CD163L1: variants seen among roughly 807,000 people sequenced by gnomAD.
CD163L1 encodes scavenger receptor cysteine-rich type 1 protein M160.
In CD163L1, 124 loss-of-function variants were observed where a neutral mutation model predicts 165.4. The observed-to-expected ratio is 0.75, with a 90% CI of 0.65 to 0.87. The LOEUF (loss-of-function observed/expected upper bound fraction) is 0.87, where lower values mean the gene tolerates loss of function less well. CD163L1 is among the 40% of genes least tolerant of loss of function. The pLI, the probability that CD163L1 is intolerant of heterozygous loss-of-function variation, is 0.00. For missense variants in CD163L1, 1,525 were observed against 1,799.9 expected, an observed-to-expected ratio of 0.85 and a Z score of 2.76; for synonymous variants, 585 against 662.2, an observed-to-expected ratio of 0.88 and a Z score of 1.79.
chr12:7,414,056 A>T (rs1403399907), intron 4 of CD163L1, among the ~76,000 whole-genome samples: 1 of 152,188 alleles, frequency 6.6e-6, no homozygotes, highest in Non-Finnish European at 1.5e-5. Context: ...TTCAAAAAAC[A>T]CAATGAATGA....
intron 14 of CD163L1, 46 bp downstream of exon 14, chr12:7,373,274 A>C: frequency 6.7e-7 from 1 of 1,497,618 alleles, no homozygotes; most frequent in South Asian, 1.3e-5. Flanking sequence ...GGTAAGTTAT[A>C]TTTCACAGGG....
chr12:7,416,365 G>A (rs1250663868), intron 4 of CD163L1, among the ~76,000 whole-genome samples: 1 of 152,226 alleles, frequency 6.6e-6, no homozygotes, highest in African/African-American at 2.4e-5. Context: ...CATTTTGTAG[G>A]TTGACTATTC....
the CD163L1 span, among the ~76,000 whole-genome samples, chr12:7,335,871 A>G: frequency 6.6e-6 from 1 of 152,226 alleles, no homozygotes; most frequent in Non-Finnish European, 1.5e-5. Flanking sequence ...ACTTCTCAAA[A>G]GAAGACATTT....
chr12:7,387,427 T>C lies in CD163L1; in HGVS notation c.2051-8129A>G, dbSNP rs773872294. Among the ~76,000 whole-genome samples the C allele has an allele frequency of 4.7e-4, 71 of 152,342 alleles. No individual in the cohort carries two copies. In the South Asian group the frequency reaches 0.014, roughly 30 times the overall value. On this transcript the variant is annotated intron_variant, in intron 8 of 19. Transcript: ENST00000313599. Reference sequence around the variant, plus strand: ...ATACTACATGATATAGTTTGGATGTTTGCCCCTCCAAATCTCATGTTGAAA... The same window carrying C: ...ATACTACATGATATAGTTTGGATGTCTGCCCCTCCAAATCTCATGTTGAAA...
At chr12:7,344,853 C>A (rs1007941891), downstream of CD163L1, among the ~76,000 whole-genome samples, 2 of 152,244 alleles carry the variant, frequency 1.3e-5, no homozygotes. Context: ...ACAACTGTAT[C>A]TGGGTCCCTT....
intron 4 of CD163L1, among the ~76,000 whole-genome samples, chr12:7,417,784 C>A (rs773333752): frequency 2.0e-5 from 3 of 151,706 alleles, no homozygotes; most frequent in African/African-American, 7.3e-5. Context: ...GGTGGACAAG[C>A]TTTTTGATGT....
At chr12:7,366,219 A>C (rs1947017602) in intron 18 of CD163L1, among the ~76,000 whole-genome samples, 1 of 152,258 alleles carries the variant, frequency 6.6e-6, no homozygotes, top group Middle Eastern at 3.4e-3. Context: ...GATAGAGTGT[A>C]GATTGGTGGT....
At chr12:7,401,315 C>A (rs1308703205) in intron 6 of CD163L1, among the ~76,000 whole-genome samples, 1 of 151,582 alleles carries the variant, frequency 6.6e-6, no homozygotes, top group African/African-American at 2.4e-5. Context: ...TTTTAAAAAT[C>A]AGATTCAGTT....
At chr12:7,439,723 G>C (rs766281340) in intron 2 of CD163L1, 1 of 1,610,432 alleles carries the variant, frequency 6.2e-7, no homozygotes, top group African/African-American at 1.3e-5. Flanking sequence ...GGGCTCCCAG[G>C]TATCGTCATC....
chr12:7,322,436 G>C, the CD163L1 span: 2 of 1,613,820 alleles, frequency 1.2e-6, no homozygotes, highest in Non-Finnish European at 1.7e-6. Context: ...TCAAGAGTCT[G>C]CGGCACTGCT....
At chr12:7,384,703 T>C (rs1947480172) in intron 8 of CD163L1, among the ~76,000 whole-genome samples, 1 of 151,976 alleles carries the variant, frequency 6.6e-6, no homozygotes, top group African/African-American at 2.4e-5. Flanking sequence ...AAAGTTACCC[T>C]TCAAAAATGA....
intron 8 of CD163L1, among the ~76,000 whole-genome samples, chr12:7,384,004 T>C (rs1205512141): frequency 6.6e-6 from 1 of 152,162 alleles, no homozygotes; most frequent in Non-Finnish European, 1.5e-5. Flanking sequence ...AAAATAATTT[T>C]AAATAATGTT....
rs1948766625 is a variant in CD163L1 at position 7,438,283 on chromosome 12, ACT to A, written c.124+2869_124+2870del. On this transcript the variant is annotated intron_variant, in intron 2 of 19. Coordinates refer to ENST00000313599, the MANE Select transcript of CD163L1 (RefSeq NM_174941.6). ...CTTGATAAATATTGCATATATAAAT[ACT>A]CTCATAATTTGGAAAATATATCCAT... 2.6e-5 allele frequency among the ~76,000 whole-genome samples: 4 copies of A among 152,250 alleles called. 1 individual carries two copies. Among genetic ancestry groups the A allele is most frequent in the African/African-American group, 9.6e-5 (4 of 41,548 alleles).
intron 4 of CD163L1, among the ~76,000 whole-genome samples, chr12:7,421,390 ATATG>A (rs1948385703): frequency 1.1e-5 from 1 of 88,146 alleles, no homozygotes; most frequent in Non-Finnish European, 1.9e-5. Flanking sequence ...TGGAAGATAT[ATATG>A]TATATATATC....
At chr12:7,392,018 G>A (rs1036611262) in intron 8 of CD163L1, among the ~76,000 whole-genome samples, 6 of 152,114 alleles carry the variant, frequency 3.9e-5, no homozygotes, top group Non-Finnish European at 7.4e-5. Context: ...AGATCAATAA[G>A]ACAGAAAGTT....
chr12:7,335,432 C>T, the CD163L1 span, among the ~76,000 whole-genome samples: 1 of 152,288 alleles, frequency 6.6e-6, no homozygotes, highest in African/African-American at 2.4e-5. Context: ...GAAAAACTGG[C>T]TAGCCATATG....
chr12:7,439,442 T>C, intron 2 of CD163L1: 1 of 1,586,518 alleles, frequency 6.3e-7, no homozygotes, highest in Non-Finnish European at 8.5e-7. Context: ...AGGTCTGGTT[T>C]GGACTTGTCT....
Position 7,374,989 on chromosome 12 carries a change from C to A in CD163L1, c.3002-66G>T. The A allele has an allele frequency of 7.0e-7, 1 of 1,420,762 alleles. No homozygotes were observed. The highest frequency in any genetic ancestry group is 1.2e-5 in the South Asian group (1 of 86,356). The allele number at this position is 1,420,762 out of a possible 1,614,324, so 88.0% of individuals were successfully genotyped here. Reference sequence around the variant, plus strand: ...AATACATGGAAAAGGTTGAAGAGTTCTGTAACAACATGGAATCTGCAATTG... The same window carrying A: ...AATACATGGAAAAGGTTGAAGAGTTATGTAACAACATGGAATCTGCAATTG... On this transcript the variant is annotated intron_variant, in intron 11 of 19. Coordinates refer to ENST00000313599, the MANE Select transcript of CD163L1 (RefSeq NM_174941.6). The surrounding 1 kb of genome is among the most constrained non-coding windows in gnomAD (Gnocchi z 5.4).
the CD163L1 span, among the ~76,000 whole-genome samples, chr12:7,337,553 A>C: frequency 1.3e-5 from 2 of 152,152 alleles, no homozygotes; most frequent in Non-Finnish European, 2.9e-5. Context: ...TATGCAGCCA[A>C]CAAACATACC....
Sources: allele counts gnomAD v4.1 joint callset (sites outside exome capture counted in the v4.1 genomes callset), GRCh38; gene constraint gnomAD v4.1.1; non-coding constraint Gnocchi (gnomAD v3.1); transcripts MANE v1.5; gene names NCBI Gene and HGNC (gene_info 2026-07-23, HGNC 2026-07-21).